Variants in AGBL1 observed in about 807,000 individuals in gnomAD.
The protein encoded by AGBL1 is AGBL carboxypeptidase 1.
A neutral mutation model predicts 118.9 loss-of-function variants in AGBL1; 130 were observed. That is an observed-to-expected ratio of 1.09 (90% CI 0.95 to 1.26). AGBL1 has a LOEUF of 1.26. Among genes scored for constraint, AGBL1 ranks in the 50% most tolerant of loss-of-function variants. AGBL1 has a pLI of 0.00. For missense variants in AGBL1, 1,584 were observed against 1,298.1 expected (o/e 1.22, Z -3.38); for synonymous variants, 555 against 478.9 (o/e 1.16, Z -2.08).
chr15:86,971,651 C>T (rs1181301266), intron 23 of AGBL1, among the ~76,000 whole-genome samples: 2 of 151,888 alleles, frequency 1.3e-5, no homozygotes, highest in African/African-American at 2.4e-5. Flanking sequence ...CTCTTATTTG[C>T]GTAACTTAAA....
At chr15:86,181,615 G>A (rs571769744) in intron 5 of AGBL1, among the ~76,000 whole-genome samples, 11 of 151,818 alleles carry the variant, frequency 7.2e-5, no homozygotes, top group East Asian at 1.9e-4. Flanking sequence ...TGTTTCAAAG[G>A]TACATACATG....
intron 22 of AGBL1, among the ~76,000 whole-genome samples, chr15:86,904,543 T>G (rs1049002122): frequency 2.0e-5 from 3 of 148,958 alleles, no homozygotes; most frequent in Non-Finnish European, 4.5e-5. Flanking sequence ...ATATATATGT[T>G]TATAACATAT....
intron 17 of AGBL1, chr15:86,296,345 C>T (rs1354875315): frequency 2.0e-5 from 3 of 152,202 alleles, no homozygotes; most frequent in Non-Finnish European, 4.4e-5. Context: ...GAAGATACTG[C>T]CTTCCGTAAT....
At chr15:86,959,595 G>C (rs1169836691) in intron 23 of AGBL1, among the ~76,000 whole-genome samples, 1 of 152,072 alleles carries the variant, frequency 6.6e-6, no homozygotes, top group Non-Finnish European at 1.5e-5. Context: ...TGTCAGGAGA[G>C]ATGAATTAAA....
rs1226964276 is a variant in AGBL1, at chr15:86,613,079, T to A, written c.2994+58542T>A. On this transcript the variant is annotated intron_variant, in intron 21 of 22. Coordinates refer to ENST00000614907, the MANE Select transcript of AGBL1 (RefSeq NM_001386094.1). The surrounding 1 kb of genome is among the most constrained non-coding windows in gnomAD (Gnocchi z 4.2). ...TGTATAAAGCCAAGATGTAACACAA[T>A]CACTTTGGGCACATGTTCTCAGGAC... Among the ~76,000 whole-genome samples the A allele has an allele frequency of 6.6e-6, 1 of 152,172 alleles. No individual in the cohort carries two copies. The highest frequency in any genetic ancestry group is 1.5e-5 in the Non-Finnish European group (1 of 68,020).
chr15:86,202,552 A>G (rs1436237231), intron 5 of AGBL1, among the ~76,000 whole-genome samples: 1 of 152,192 alleles, frequency 6.6e-6, no homozygotes, highest in Admixed American at 6.5e-5. Flanking sequence ...GGACCTTGAC[A>G]TTGCACCTGC....
intron 17 of AGBL1, among the ~76,000 whole-genome samples, chr15:86,356,304 A>T (rs1180780510): frequency 6.6e-6 from 1 of 151,940 alleles, no homozygotes; most frequent in Non-Finnish European, 1.5e-5. Context: ...ACTTAGAAAA[A>T]GCTATTTGGA....
intron 22 of AGBL1, among the ~76,000 whole-genome samples, chr15:86,860,277 A>G (rs1025780263): frequency 2.6e-5 from 4 of 152,260 alleles, no homozygotes; most frequent in East Asian, 3.9e-4. Context: ...TGCCCAGCAC[A>G]TGGTGAGTTC....
chr15:86,319,411 G>A lies in AGBL1; in HGVS notation c.2374+24003G>A, dbSNP rs576979791. ...CATTTTTTTGATAATAAATAAGGTTGAACATTTTCTCAAATATTTCTTTAG... is the reference window on the plus strand; with the variant it reads ...CATTTTTTTGATAATAAATAAGGTTAAACATTTTCTCAAATATTTCTTTAG... On this transcript the variant is annotated intron_variant, in intron 17 of 22. Coordinates refer to ENST00000614907, the MANE Select transcript of AGBL1 (RefSeq NM_001386094.1). Among the ~76,000 whole-genome samples the A allele has an allele frequency of 2.6e-5, 4 of 152,170 alleles. No individual in the cohort carries two copies. In the South Asian group the frequency reaches 6.2e-4, roughly 24 times the overall value.
intron 18 of AGBL1, among the ~76,000 whole-genome samples, chr15:86,449,621 T>C (rs554009040): frequency 6.6e-6 from 1 of 152,338 alleles, no homozygotes; most frequent in East Asian, 1.9e-4. Flanking sequence ...AAGTAATGAA[T>C]AGCACATAAA....
chr15:86,605,858 G>A (rs1567080506), intron 21 of AGBL1, among the ~76,000 whole-genome samples: 1 of 152,032 alleles, frequency 6.6e-6, no homozygotes, highest in African/African-American at 2.4e-5. Flanking sequence ...CAGGCATGGT[G>A]GCTCACATCT....
At chr15:86,148,036 G>A (rs1045901417) in intron 3 of AGBL1, among the ~76,000 whole-genome samples, 1 of 152,198 alleles carries the variant, frequency 6.6e-6, no homozygotes, top group Non-Finnish European at 1.5e-5. Context: ...TGCAGTTGAG[G>A]GACCTGACTG....
At chr15:86,867,737 G>C (rs1596568822) in intron 22 of AGBL1, among the ~76,000 whole-genome samples, 1 of 152,158 alleles carries the variant, frequency 6.6e-6, no homozygotes, top group Admixed American at 6.5e-5. Flanking sequence ...TTTAAAAGAA[G>C]TAGGATATAT....
rs1567259943 is a variant in AGBL1, at chr15:86,438,654, TC to T, written c.2555+41109del. Reference sequence around the variant, plus strand: ...AAATTCGTATATAACTGATAATCTGTCTCTTTTTTTTTTTTTTTTTTTCTTG... The same window carrying T: ...AAATTCGTATATAACTGATAATCTGTTCTTTTTTTTTTTTTTTTTTTCTTG... On this transcript the variant is annotated intron_variant, in intron 18 of 22. Transcript: ENST00000614907. Among the ~76,000 whole-genome samples, 29 of 139,000 alleles carry T rather than the reference TC, an allele frequency of 2.1e-4. 1 individual carries two copies. Among genetic ancestry groups the T allele is most frequent in the East Asian group, 1.5e-3 (6 of 3,876 alleles). The allele number at this position is 139,000 out of a possible 152,430, so 91.2% of individuals were successfully genotyped here.
intron 22 of AGBL1, among the ~76,000 whole-genome samples, chr15:86,793,728 T>C (rs1420822633): frequency 6.6e-6 from 1 of 152,116 alleles, no homozygotes; most frequent in Non-Finnish European, 1.5e-5. Context: ...CTGATAACGG[T>C]CTAGTATCCA....
At chr15:86,290,343 CTTTTT>C (rs559169172) in intron 16 of AGBL1, among the ~76,000 whole-genome samples, 1 of 134,346 alleles carries the variant, frequency 7.4e-6, no homozygotes, top group African/African-American at 2.8e-5. Flanking sequence ...TCTTTTCTTT[CTTTTT>C]TTTTTTTTTT....
chr15:86,189,199 G>T (rs1160177925), intron 5 of AGBL1, among the ~76,000 whole-genome samples: 1 of 152,122 alleles, frequency 6.6e-6, no homozygotes. Context: ...CCTGGGGTAG[G>T]TTAAACTTCG....
At chr15:86,836,802 G>C (rs745994596) in intron 22 of AGBL1, among the ~76,000 whole-genome samples, 2 of 152,116 alleles carry the variant, frequency 1.3e-5, no homozygotes, top group African/African-American at 4.8e-5. Context: ...TCAGCTGAAA[G>C]AATCCATCTC....
intron 22 of AGBL1, among the ~76,000 whole-genome samples, chr15:86,776,532 G>GT (rs138943352): frequency 0.092 from 13,883 of 151,270 alleles, 824 homozygotes; most frequent in East Asian, 0.15. Flanking sequence ...TTATTGATTT[G>GT]TAGAAGTTCA....
Sources: gnomAD v4.1 joint callset for allele counts (sites outside exome capture counted in the v4.1 genomes callset) on GRCh38, gnomAD v4.1.1 for gene constraint, Gnocchi (gnomAD v3.1) non-coding constraint, MANE v1.5 for transcripts, NCBI Gene and HGNC (gene_info 2026-07-23, HGNC 2026-07-21) for gene names.